The following GRIK4 variants were observed in gnomAD, a reference collection of about 807,000 sequenced individuals.
The protein encoded by GRIK4 is glutamate receptor ionotropic, kainate 4.
Under a neutral mutation model 104.9 loss-of-function variants are expected in GRIK4, and 40 were observed. The observed-to-expected ratio is 0.38, with a 90% CI of 0.30 to 0.50. The LOEUF is 0.50. Ranked by LOEUF, GRIK4 falls within the 20% of genes least tolerant of loss-of-function variation. The pLI, the probability that GRIK4 is intolerant of heterozygous loss-of-function variation, is 0.93. For missense variants in GRIK4, 1,047 were observed against 1,308.1 expected (o/e 0.80, Z 3.08); for synonymous variants, 485 against 524.9 (o/e 0.92, Z 1.04).
chr11:120,951,850 T>C (rs887340556), intron 14 of GRIK4, among the ~76,000 whole-genome samples: 1 of 152,222 alleles, frequency 6.6e-6, no homozygotes, highest in African/African-American at 2.4e-5. Context: ...TATGTGAAGT[T>C]ACCTAATTAT....
chr11:120,946,086 C>A (rs1176369955), intron 14 of GRIK4, among the ~76,000 whole-genome samples: 1 of 152,186 alleles, frequency 6.6e-6, no homozygotes, highest in Admixed American at 6.5e-5. Flanking sequence ...TTGATGCATA[C>A]TTTGAGCTCT....
intron 19 of GRIK4, among the ~76,000 whole-genome samples, chr11:120,980,156 C>T (rs547417755): frequency 1.5e-4 from 23 of 152,302 alleles, no homozygotes; most frequent in Admixed American, 1.2e-3. Context: ...TTTTCTATCT[C>T]GAGCACAACT....
intron 3 of GRIK4, among the ~76,000 whole-genome samples, chr11:120,679,383 G>A (rs1474408491): frequency 2.6e-5 from 4 of 152,170 alleles, no homozygotes; most frequent in Non-Finnish European, 5.9e-5. Context: ...AGTGCCCCCG[G>A]AGCCCAGGAA....
At chr11:120,851,991 G>T (rs1292727935) in intron 8 of GRIK4, among the ~76,000 whole-genome samples, 1 of 152,200 alleles carries the variant, frequency 6.6e-6, no homozygotes, top group Non-Finnish European at 1.5e-5. Context: ...AGCAACTGAT[G>T]TATAGACAGG....
At chr11:120,942,976 A>G (rs1316807618) in intron 14 of GRIK4, among the ~76,000 whole-genome samples, 1 of 152,180 alleles carries the variant, frequency 6.6e-6, no homozygotes, top group African/African-American at 2.4e-5. Context: ...CCTTAAGTCT[A>G]TCACATAGAA....
At chr11:120,866,937 T>C (rs533452770) in intron 9 of GRIK4, among the ~76,000 whole-genome samples, 2 of 152,274 alleles carry the variant, frequency 1.3e-5, no homozygotes, top group African/African-American at 4.8e-5. Flanking sequence ...CTATTTTCCT[T>C]CTCAGGGCAT....
chr11:120,636,024 A>T (rs771565297), intron 1 of GRIK4, among the ~76,000 whole-genome samples: 49 of 152,178 alleles, frequency 3.2e-4, no homozygotes, highest in Admixed American at 3.2e-3. Flanking sequence ...GACTTCTTCA[A>T]TGCGTCTACC....
In GRIK4 at chr11:120,988,756, A is replaced by G. The variant is rs1482187168; in HGVS notation, c.*2496A>G. On this transcript the variant is annotated 3_prime_UTR_variant, in exon 21 of 21. Coordinates refer to ENST00000527524, the MANE Select transcript of GRIK4 (RefSeq NM_014619.5). The stretch of plus-strand genomic sequence containing the variant: ...TAAAGCAGTTTTTTCTTGTCTGTTT[A>G]TCTTTCTTCAACTGGAATATTTACA... 1 of 152,120 alleles carries G rather than the reference A, an allele frequency of 6.6e-6. No individual in the cohort carries two copies. Among genetic ancestry groups the G allele is most frequent in the Admixed American group, 6.5e-5 (1 of 15,270 alleles). The allele number at this position is 152,120 out of a possible 1,614,324, so 9.4% of individuals were successfully genotyped here.
chr11:120,647,764 T>C (rs1949562710), intron 1 of GRIK4, among the ~76,000 whole-genome samples: 1 of 152,268 alleles, frequency 6.6e-6, no homozygotes, highest in Non-Finnish European at 1.5e-5. Flanking sequence ...CCCTGACTTA[T>C]GAAAGCGGCT....
intron 3 of GRIK4, among the ~76,000 whole-genome samples, chr11:120,779,856 G>A (rs1190869527): frequency 6.6e-6 from 1 of 152,212 alleles, no homozygotes; most frequent in Non-Finnish European, 1.5e-5. Flanking sequence ...CATTCCACAA[G>A]CATTGTGATA....
At chr11:120,961,260 G>T (rs556001787) in intron 17 of GRIK4, among the ~76,000 whole-genome samples, 186 bp downstream of exon 17, 34 of 152,292 alleles carry the variant, frequency 2.2e-4, no homozygotes, top group African/African-American at 7.7e-4. Flanking sequence ...GGTCCCAAAA[G>T]AACTTTGCGT....
chr11:120,710,997 T>TGGGGGGGGGGGGGGG (rs139734821), intron 3 of GRIK4, among the ~76,000 whole-genome samples: 2 of 124,932 alleles, frequency 1.6e-5, no homozygotes, highest in East Asian at 2.5e-4. Context: ...CCCTGTGAGG[T>TGGGGGGGGGGGGGGG]GGGGAGGGGG....
intron 1 of GRIK4, among the ~76,000 whole-genome samples, chr11:120,579,627 A>G (rs1219009445): frequency 6.6e-6 from 1 of 152,118 alleles, no homozygotes; most frequent in Non-Finnish European, 1.5e-5. Flanking sequence ...ATCATAGGAG[A>G]GGAAGAGTTA....
At chr11:120,770,552 G>A (rs1951922152) in intron 3 of GRIK4, among the ~76,000 whole-genome samples, 1 of 152,172 alleles carries the variant, frequency 6.6e-6, no homozygotes, top group Non-Finnish European at 1.5e-5. Flanking sequence ...CTTTCTTTTG[G>A]ATGAATTTCA....
chr11:120,934,809 A>G (rs1943561274), intron 13 of GRIK4, among the ~76,000 whole-genome samples: 3 of 152,196 alleles, frequency 2.0e-5, no homozygotes, highest in African/African-American at 7.2e-5. Context: ...ACAGCCGGGC[A>G]CATGGGATGC....
chr11:120,648,797 C>T (rs1283828910), intron 1 of GRIK4, among the ~76,000 whole-genome samples: 1 of 129,960 alleles, frequency 7.7e-6, no homozygotes, highest in Non-Finnish European at 1.6e-5. Flanking sequence ...ATTAACCAGA[C>T]TTTTTAAGTG....
chr11:120,597,230 T>G (rs1392020532), intron 1 of GRIK4, among the ~76,000 whole-genome samples: 1 of 152,206 alleles, frequency 6.6e-6, no homozygotes, highest in Non-Finnish European at 1.5e-5. Context: ...CCGCTCCCTC[T>G]CCACCTGGGT....
chr11:120,783,656 T>C (rs2135478301), intron 3 of GRIK4, among the ~76,000 whole-genome samples: 1 of 152,356 alleles, frequency 6.6e-6, no homozygotes, highest in South Asian at 2.1e-4. Flanking sequence ...GGACTGCTTT[T>C]TATCCCCTGT....
In GRIK4 at chr11:120,838,671, G is replaced by A. The variant is rs78305234; in HGVS notation, c.744+1827G>A. ...ATGAGTGTGTTGGCTTTCTAAAAGGGACAAACCTCTAATAGGAGTAAAGAA... is the reference window on the plus strand; with the variant it reads ...ATGAGTGTGTTGGCTTTCTAAAAGGAACAAACCTCTAATAGGAGTAAAGAA... On this transcript the variant is annotated intron_variant, in intron 8 of 20. Coordinates refer to ENST00000527524, the MANE Select transcript of GRIK4 (RefSeq NM_014619.5). 5.6e-3 allele frequency among the ~76,000 whole-genome samples: 857 copies of A among 152,312 alleles called. 20 individuals are homozygous for A. In the East Asian group the frequency reaches 0.074, roughly 13 times the overall value.
Sources: allele counts gnomAD v4.1 joint callset (sites outside exome capture counted in the v4.1 genomes callset), GRCh38; gene constraint gnomAD v4.1.1; transcripts MANE v1.5; gene names NCBI Gene and HGNC (gene_info 2026-07-23, HGNC 2026-07-21).